Variants in OR9G4 observed in about 807,000 individuals in gnomAD.
OR9G4 encodes the protein olfactory receptor family 9 subfamily G member 4, also known as olfactory receptor 9G4.
OR9G4 carries 19 observed loss-of-function variants against 16.7 expected under a neutral mutation model. The observed-to-expected ratio is 1.14, with a 90% CI of 0.79 to 1.67. The LOEUF is 1.67. Among genes scored for constraint, OR9G4 ranks in the 40% most tolerant of loss-of-function variants. OR9G4 has a pLI of 0.00. For synonymous variants in OR9G4, 182 were observed against 146.2 expected (o/e 1.24, Z -1.76); for missense variants, 428 against 370.4 (o/e 1.16, Z -1.28).
chr11:56,744,081 T>C (rs901208009), intron 1 of OR9G4: 1 of 364,610 alleles, frequency 2.7e-6, no homozygotes, highest in African/African-American at 2.1e-5. Flanking sequence ...TCTTCTTTTT[T>C]TTTTGAGATG....
chr11:56,743,888 T>G (rs761311741), intron 1 of OR9G4, 100 bp from the exon 2 acceptor site: 1 of 1,346,224 alleles, frequency 7.4e-7, no homozygotes, highest in Non-Finnish European at 1.0e-6. Flanking sequence ...GCTTGTAGAT[T>G]TTTCTCCCTT....
At chr11:56,743,906 A>G (rs770904992) in intron 1 of OR9G4, 118 bp from the exon 2 acceptor site, 9 of 1,153,658 alleles carry the variant, frequency 7.8e-6, no homozygotes, top group Non-Finnish European at 1.1e-5. Context: ...CTTACTATCT[A>G]GAATTATAGG....
In OR9G4 at chr11:56,743,136, T is replaced by G. The variant is rs746110650; in HGVS notation, c.631A>C (p.Ile211Leu). ...ACATAGGAAATCAGGATAGCAAGAA[T>G]GCTGGAGAGTACTGTGAAGCCCACC... ...GVVGFTVLSS[I>L]LAILISYVNI... Residue 211 changes from isoleucine to leucine, a missense_variant, in exon 2 of 2, where the codon ATT becomes CTT. Physicochemically the swap from Ile to Leu is conservative, Grantham distance 5. Coordinates refer to ENST00000641668, the MANE Select transcript of OR9G4 (RefSeq NM_001005284.2). 1 of 1,614,094 alleles carries G rather than the reference T, an allele frequency of 6.2e-7. No individual in the cohort carries two copies. The highest frequency in any genetic ancestry group is 1.1e-5 in the South Asian group (1 of 91,084).
At chr11:56,745,694 C>T (rs1315706715) in intron 1 of OR9G4, among the ~76,000 whole-genome samples, 6 of 151,664 alleles carry the variant, frequency 4.0e-5, no homozygotes, top group Non-Finnish European at 1.5e-5. Flanking sequence ...ATCGCTTGAA[C>T]CCAGGAGGCA....
At chr11:56,746,722 C>CA (rs1300518573) in intron 1 of OR9G4, among the ~76,000 whole-genome samples, 4 of 152,106 alleles carry the variant, frequency 2.6e-5, no homozygotes, top group Non-Finnish European at 2.9e-5. Flanking sequence ...TTTACTCTTC[C>CA]AGGATCTGAA....
intron 1 of OR9G4, among the ~76,000 whole-genome samples, chr11:56,747,948 A>G (rs1858446792): frequency 6.6e-6 from 1 of 152,208 alleles, no homozygotes; most frequent in Non-Finnish European, 1.5e-5. Context: ...TGCTGGGATT[A>G]CAGGCTTGGG....
At chr11:56,747,113 C>T (rs1253476019) in intron 1 of OR9G4, among the ~76,000 whole-genome samples, 2 of 152,052 alleles carry the variant, frequency 1.3e-5, no homozygotes, top group Non-Finnish European at 2.9e-5. Flanking sequence ...CCTCCTCCTT[C>T]CTTCTGCCCT....
intron 1 of OR9G4, among the ~76,000 whole-genome samples, chr11:56,747,776 G>T (rs1337995470): frequency 1.3e-5 from 2 of 152,070 alleles, no homozygotes; most frequent in African/African-American, 4.8e-5. Flanking sequence ...CCAGGTTCAA[G>T]TGATTCTCCT....
chr11:56,745,812 AATAG>A (rs1858399883), intron 1 of OR9G4, among the ~76,000 whole-genome samples: 1 of 152,010 alleles, frequency 6.6e-6, no homozygotes, highest in Non-Finnish European at 1.5e-5. Flanking sequence ...TTCATGAAAC[AATAG>A]ATAGCCTCAC....
In OR9G4 at chr11:56,742,955, T is replaced by C. The variant is rs1478055952; in HGVS notation, c.812A>G (p.Asp271Gly). 3 of 1,614,022 alleles carry C rather than the reference T, an allele frequency of 1.9e-6. No individual in the cohort carries two copies. Among genetic ancestry groups the C allele is most frequent in the Non-Finnish European group, 2.5e-6 (3 of 1,180,018 alleles). Residue 271 changes from aspartate to glycine, a missense_variant, in exon 2 of 2, where the codon GAC (aspartate) becomes GGC (glycine). By Grantham distance (94) the Asp-to-Gly change is moderately conservative. Transcript: ENST00000641668. ...GGTGTAGAACAGAGCAGCTACTTTG[T>C]CCCTCTCTAGGGAGTAGGTGGAACT... ...RPSSTYSLER[D>G]KVAALFYTVI...
rs1028502857 is a variant in OR9G4, at chr11:56,746,319, T to C, written c.-23+2337A>G. ...AAAAAAAAAAAAAAAAAAAAAAAAATACAATCCTATGAAGTTGTGCATATT... is the reference window on the plus strand; with the variant it reads ...AAAAAAAAAAAAAAAAAAAAAAAAACACAATCCTATGAAGTTGTGCATATT... On this transcript the variant is annotated intron_variant, in intron 1 of 1. Coordinates refer to ENST00000641668, the MANE Select transcript of OR9G4 (RefSeq NM_001005284.2). Among the ~76,000 whole-genome samples, 15 of 113,646 alleles carry C rather than the reference T, an allele frequency of 1.3e-4. No individual in the cohort carries two copies. The East Asian group carries it at 4.2e-3, about 31-fold the overall frequency. 74.6% of individuals were successfully genotyped at this position (113,646 alleles called of 152,430 possible).
intron 1 of OR9G4, among the ~76,000 whole-genome samples, 187 bp downstream of exon 1, chr11:56,748,469 T>C (rs567590386): frequency 5.3e-5 from 8 of 152,292 alleles, no homozygotes; most frequent in African/African-American, 1.2e-4. Flanking sequence ...AAATTCTACG[T>C]GAGAGCAGGA....
chr11:56,744,393 A>G (rs901469068), intron 1 of OR9G4, among the ~76,000 whole-genome samples: 2 of 152,236 alleles, frequency 1.3e-5, no homozygotes, highest in African/African-American at 2.4e-5. Flanking sequence ...TTGAATAAAT[A>G]AAACATACAT....
intron 1 of OR9G4, among the ~76,000 whole-genome samples, chr11:56,747,352 ATTTTAAATTCCATGCCCC>A (rs780367410): frequency 6.6e-5 from 10 of 152,194 alleles, no homozygotes; most frequent in South Asian, 4.1e-4. Context: ...TGAATGTGAC[ATTTTAAATTCCATGCCCC>A]TTTTAAATTC....
chr11:56,746,497 T>G (rs557505300), intron 1 of OR9G4, among the ~76,000 whole-genome samples: 1 of 152,250 alleles, frequency 6.6e-6, no homozygotes, highest in East Asian at 1.9e-4. Context: ...AAAATTTTAA[T>G]GGGTTCACAA....
At position 56,743,173 on chromosome 11, in the gene OR9G4, G is replaced by A. The variant is rs751149710; in HGVS notation, c.594C>T (p.Val198=). Residue 198 remains valine, a synonymous_variant, in exon 2 of 2, where the codon GTC becomes GTT. Coordinates refer to ENST00000641668, the MANE Select transcript of OR9G4 (RefSeq NM_001005284.2). ...SCTNTRVYEK[V]LLGVVGFTVL... ...CTGTGAAGCCCACCACACCAAGCAG[G>A]ACTTTTTCGTAGACCCTGGTGTTTG... The A allele has an allele frequency of 2.5e-6, 4 of 1,614,124 alleles. No individual in the cohort carries two copies. The East Asian group carries it at 8.9e-5, about 36-fold the overall frequency.
At chr11:56,744,323 G>A (rs1207420722) in intron 1 of OR9G4, among the ~76,000 whole-genome samples, 2 of 152,084 alleles carry the variant, frequency 1.3e-5, no homozygotes, top group African/African-American at 4.8e-5. Flanking sequence ...CAAAGTGCTG[G>A]GATTACAGGC....
chr11:56,745,687 G>A (rs192727979), intron 1 of OR9G4, among the ~76,000 whole-genome samples: 6 of 151,088 alleles, frequency 4.0e-5, no homozygotes, highest in East Asian at 2.0e-4. Context: ...CAGGAGAATC[G>A]CTTGAACCCA....
Position 56,742,390 on chromosome 11 carries a change from A to T in OR9G4, c.*438T>A, listed in dbSNP as rs1472110268. The T allele has an allele frequency of 6.3e-6, 1 of 159,528 alleles. No homozygotes were observed. Among genetic ancestry groups the T allele is most frequent in the Non-Finnish European group, 1.4e-5 (1 of 72,574 alleles). 9.9% of individuals were successfully genotyped at this position (159,528 alleles called of 1,614,324 possible). A position where few individuals can be genotyped will look rare whatever the true frequency, so the allele number is the denominator to read the frequency against. ...GAGCTTTCTGAAGAAATTTTGAGGAAATGATTTTCTTAAAATAAATATTTG... is the reference window on the plus strand; with the variant it reads ...GAGCTTTCTGAAGAAATTTTGAGGATATGATTTTCTTAAAATAAATATTTG... On this transcript the variant is annotated 3_prime_UTR_variant, in exon 2 of 2. Transcript: ENST00000641668.
Sources: gnomAD v4.1 joint callset for allele counts (sites outside exome capture counted in the v4.1 genomes callset) on GRCh38, gnomAD v4.1.1 for gene constraint, MANE v1.5 for transcripts, NCBI Gene and HGNC (gene_info 2026-07-23, HGNC 2026-07-21) for gene names.